The following CPT2 variants were observed in gnomAD, a reference collection of about 807,000 sequenced individuals.
The protein encoded by CPT2 is carnitine O-palmitoyltransferase 2, mitochondrial.
Under a neutral mutation model 48.6 loss-of-function variants are expected in CPT2, and 37 were observed. The ratio of observed to expected loss-of-function variants is 0.76; its 90% CI spans 0.59 to 1.00. The LOEUF (loss-of-function observed/expected upper bound fraction) is 1.00, where lower values mean the gene tolerates loss of function less well. Among genes scored for constraint, CPT2 ranks in the 50% least tolerant of loss-of-function variants. The pLI, the probability that CPT2 is intolerant of heterozygous loss-of-function variation, is 0.00. For synonymous variants in CPT2, 319 were observed against 326.9 expected (o/e 0.98, Z 0.26); for missense variants, 772 against 825.6 (o/e 0.94, Z 0.80).
chr1:53,212,439 A>G (rs370954112), intron 4 of CPT2, among the ~76,000 whole-genome samples: 7 of 152,134 alleles, frequency 4.6e-5, no homozygotes, highest in Non-Finnish European at 8.8e-5. Context: ...GGCTCAAGCA[A>G]TCCTCCTGCC....
chr1:53,213,062 A>G (rs1645439754), intron 4 of CPT2: 1 of 609,450 alleles, frequency 1.6e-6, no homozygotes, highest in African/African-American at 1.8e-5. Context: ...GTAACATGAC[A>G]TAATATATTT....
chr1:53,211,321 T>G lies in CPT2; in HGVS notation c.1645+2T>G, dbSNP rs1057517473. Reference sequence around the variant, plus strand: ...AGCTGACCAAAGAAGCAGCAATGGGTGAGGCAGGGGTGGGGAGCATGCCCT... The same window carrying G: ...AGCTGACCAAAGAAGCAGCAATGGGGGAGGCAGGGGTGGGGAGCATGCCCT... On this transcript the variant is annotated splice_donor_variant, in intron 4 of 4. Transcript: ENST00000371486. LOFTEE classifies it high-confidence loss of function. The G allele has an allele frequency of 3.1e-6, 5 of 1,598,196 alleles. No individual in the cohort carries two copies. Among genetic ancestry groups the G allele is most frequent in the Non-Finnish European group, 4.3e-6 (5 of 1,172,864 alleles).
At chr1:53,206,264 G>A (rs922568791) in intron 3 of CPT2, among the ~76,000 whole-genome samples, 1 of 151,750 alleles carries the variant, frequency 6.6e-6, no homozygotes, top group Non-Finnish European at 1.5e-5. Flanking sequence ...CCAGGCAGAA[G>A]TCTGCTGCAG....
Position 53,210,437 on chromosome 1 carries a change from G to A in CPT2, c.763G>A (p.Asp255Asn). The change falls in exon 4 of 5, where the codon GAT (aspartate) becomes AAT (asparagine). Residue 255 changes from aspartate (D) to asparagine (N), a missense_variant. By Grantham distance (23) the Asp-to-Asn change is conservative. Coordinates refer to ENST00000371486, the MANE Select transcript of CPT2 (RefSeq NM_000098.3). ...VLRKGNFYIF[D>N]VLDQDGNIVS... ...AAGGAAAGGAAATTTTTATATCTTT[G>A]ATGTCCTGGATCAAGATGGGAACAT... 6.2e-7 allele frequency: 1 copy of A among 1,614,102 alleles called. No homozygotes were observed. The highest frequency in any genetic ancestry group is 1.1e-5 in the South Asian group (1 of 91,084).
chr1:53,199,196 G>A (rs898672503), intron 1 of CPT2, among the ~76,000 whole-genome samples: 1 of 152,164 alleles, frequency 6.6e-6, no homozygotes, highest in South Asian at 2.1e-4. Context: ...AAGTAGCTGG[G>A]ATTACAAGCA....
intron 4 of CPT2, chr1:53,212,752 T>C: frequency 2.4e-6 from 1 of 410,902 alleles, no homozygotes. Flanking sequence ...CTCCAAGACA[T>C]TCTAATCTTC....
At position 53,201,957 on chromosome 1, in the gene CPT2, C is replaced by T. The variant is rs1645356725; in HGVS notation, c.234-366C>T. 3.6e-5 allele frequency: 10 copies of T among 279,984 alleles called. 1 individual carries two copies. The highest frequency in any genetic ancestry group is 3.0e-4 in the South Asian group (8 of 26,398). 17.3% of individuals were successfully genotyped at this position (279,984 alleles called of 1,614,324 possible). On this transcript the variant is annotated intron_variant, in intron 2 of 4. Coordinates refer to ENST00000371486, the MANE Select transcript of CPT2 (RefSeq NM_000098.3). The stretch of plus-strand genomic sequence containing the variant: ...TTATCCATTTTACACATCAAGAAAC[C>T]GAGACTCAGATCAAGTAACTTATCC...
At chr1:53,197,435 C>A (rs926939298) in intron 1 of CPT2, 18 of 403,348 alleles carry the variant, frequency 4.5e-5, no homozygotes, top group African/African-American at 3.6e-4. Flanking sequence ...TTTCCAGCGC[C>A]GCTGTAATCC....
rs1455668227 is a variant in CPT2, at chr1:53,213,813, C to G, written c.*218C>G. ...GTGTGGTGGCATGTGCCTATAATCC[C>G]AGCTACTTGGGAGGTTGAAGCAGAA... On this transcript the variant is annotated 3_prime_UTR_variant, in exon 5 of 5. Coordinates refer to ENST00000371486, the MANE Select transcript of CPT2 (RefSeq NM_000098.3). 1.4e-5 allele frequency: 7 copies of G among 514,448 alleles called. No homozygotes were observed. Among genetic ancestry groups the G allele is most frequent in the South Asian group, 2.0e-5 (1 of 50,022 alleles). 31.9% of individuals were successfully genotyped at this position (514,448 alleles called of 1,614,324 possible).
chr1:53,205,287 G>A (rs1252260919), intron 3 of CPT2, among the ~76,000 whole-genome samples: 3 of 152,174 alleles, frequency 2.0e-5, no homozygotes, highest in Admixed American at 1.3e-4. Flanking sequence ...CAGAGAGACT[G>A]GTGGCATTTT....
intron 3 of CPT2, chr1:53,202,698 G>T (rs776396536): frequency 4.1e-6 from 2 of 483,654 alleles, no homozygotes; most frequent in Non-Finnish European, 7.6e-6. Flanking sequence ...TGTCTGAAAA[G>T]GATGCAGGAT....
In CPT2 at chr1:53,197,205, C is replaced by G. The variant is rs1034881892; in HGVS notation, c.152+110C>G. Reference sequence around the variant, plus strand: ...GTGAACCCGTTTCCGCCCCCAAGCCCCTACCATGGAGGCTGCCACAGCCCC... The same window carrying G: ...GTGAACCCGTTTCCGCCCCCAAGCCGCTACCATGGAGGCTGCCACAGCCCC... On this transcript the variant is annotated intron_variant, in intron 1 of 4. Coordinates refer to ENST00000371486, the MANE Select transcript of CPT2 (RefSeq NM_000098.3). The G allele has an allele frequency of 6.7e-6, 9 of 1,350,024 alleles. No individual in the cohort carries two copies. The South Asian group carries it at 7.5e-5, about 11-fold the overall frequency. 83.6% of individuals were successfully genotyped at this position (1,350,024 alleles called of 1,614,324 possible). A position where few individuals can be genotyped will look rare whatever the true frequency, so the allele number is the denominator to read the frequency against.
Position 53,202,372 on chromosome 1 carries a change from C to T in CPT2, c.283C>T (p.Leu95=), listed in dbSNP as rs2100261844. 6.2e-7 allele frequency: 1 copy of T among 1,614,082 alleles called. No individual in the cohort carries two copies. The highest frequency in any genetic ancestry group is 8.5e-7 in the Non-Finnish European group (1 of 1,179,974). The change falls in exon 3 of 5, where the codon CTG becomes TTG. Residue 95 remains leucine (L), a synonymous_variant. Transcript: ENST00000371486. ...TTTTGAAAATGGGATTGGAAAAGAA[C>T]TGCATGAGCAGCTGGTTGCTCTGGA... ...KSFENGIGKE[L]HEQLVALDKQ...
chr1:53,203,206 C>T (rs1645365114), intron 3 of CPT2: 2 of 152,202 alleles, frequency 1.3e-5, no homozygotes, highest in Non-Finnish European at 2.9e-5. Flanking sequence ...GATTTTTTTG[C>T]TTTAGTCATT....
intron 3 of CPT2, among the ~76,000 whole-genome samples, chr1:53,205,176 C>A (rs1312977170): frequency 6.6e-6 from 1 of 152,154 alleles, no homozygotes; most frequent in Non-Finnish European, 1.5e-5. Context: ...GACCAAAATG[C>A]TGATAGAGAT....
rs1645451356 is a variant in CPT2, at chr1:53,214,147, C to T, written c.*552C>T. 3 of 164,282 alleles carry T rather than the reference C, an allele frequency of 1.8e-5. No individual in the cohort carries two copies. The South Asian group carries it at 4.8e-4, about 26-fold the overall frequency. 10.2% of individuals were successfully genotyped at this position (164,282 alleles called of 1,614,324 possible). ...CAGGAGGAAAGGTTTGGAAAACTAACTCAGGTGTATTTATTGTTTAAGCAG... is the reference window on the plus strand; with the variant it reads ...CAGGAGGAAAGGTTTGGAAAACTAATTCAGGTGTATTTATTGTTTAAGCAG... On this transcript the variant is annotated 3_prime_UTR_variant, in exon 5 of 5. Coordinates refer to ENST00000371486, the MANE Select transcript of CPT2 (RefSeq NM_000098.3).
At chr1:53,197,261 C>A in intron 1 of CPT2, 166 bp downstream of exon 1, 2 of 843,042 alleles carry the variant, frequency 2.4e-6, no homozygotes, top group Non-Finnish European at 3.8e-6. Flanking sequence ...TTTTCACAAT[C>A]TCCTAGCACA....
chr1:53,213,110 G>A (rs1645439956), intron 4 of CPT2, 154 bp from the exon 5 acceptor site: 4 of 703,232 alleles, frequency 5.7e-6, no homozygotes, highest in Non-Finnish European at 1.0e-5. Context: ...GAGCTGCTCT[G>A]AAGGTTAGTC....
intron 3 of CPT2, among the ~76,000 whole-genome samples, chr1:53,205,816 C>T (rs1645383961): frequency 6.6e-6 from 1 of 152,220 alleles, no homozygotes; most frequent in Non-Finnish European, 1.5e-5. Context: ...TCAGAGGGTG[C>T]AAGCCCCAAG....
Sources: allele counts gnomAD v4.1 joint callset (sites outside exome capture counted in the v4.1 genomes callset), GRCh38; gene constraint gnomAD v4.1.1; transcripts MANE v1.5; gene names NCBI Gene and HGNC (gene_info 2026-07-23, HGNC 2026-07-21).